C8orf34: variants seen among roughly 807,000 people sequenced by gnomAD.
C8orf34 encodes the protein chromosome 8 open reading frame 34.
In C8orf34, 65 loss-of-function variants were observed where a neutral mutation model predicts 68.3. The observed-to-expected ratio is 0.95, with a 90% CI of 0.78 to 1.17. The LOEUF (loss-of-function observed/expected upper bound fraction) is 1.17, where lower values mean the gene tolerates loss of function less well. Among genes scored for constraint, C8orf34 ranks in the 50% most tolerant of loss-of-function variants. C8orf34 has a pLI of 0.00. For synonymous variants in C8orf34, 244 were observed against 241.2 expected (o/e 1.01, Z -0.11); for missense variants, 664 against 655.4 (o/e 1.01, Z -0.14).
chr8:68,338,889 C>T (rs1421897381), intron 1 of C8orf34, among the ~76,000 whole-genome samples: 1 of 152,036 alleles, frequency 6.6e-6, no homozygotes, highest in Non-Finnish European at 1.5e-5. Context: ...GTCTTTTTAG[C>T]CAGAAACCCA....
At chr8:68,787,739 A>G (rs1779119362) in intron 12 of C8orf34, 1 of 346,302 alleles carries the variant, frequency 2.9e-6, no homozygotes, top group East Asian at 4.3e-5. Context: ...AGAGACTCAT[A>G]GACTAACTTT....
chr8:68,382,368 C>T (rs1321430320), intron 1 of C8orf34, among the ~76,000 whole-genome samples: 1 of 152,062 alleles, frequency 6.6e-6, no homozygotes, highest in African/African-American at 2.4e-5. Context: ...CCTCTGTTTC[C>T]TCATCTGTGA....
intron 1 of C8orf34, among the ~76,000 whole-genome samples, chr8:68,437,076 G>A (rs1293390915): frequency 6.6e-6 from 1 of 152,038 alleles, no homozygotes; most frequent in Non-Finnish European, 1.5e-5. Context: ...TGCAAACATC[G>A]ACTATGATCA....
At chr8:68,708,295 A>G (rs757749129) in intron 8 of C8orf34, among the ~76,000 whole-genome samples, 1 of 152,232 alleles carries the variant, frequency 6.6e-6, no homozygotes, top group Non-Finnish European at 1.5e-5. Context: ...TTGAATTTGT[A>G]GAAGTCAAAA....
chr8:68,389,660 A>C (rs1051151152), intron 1 of C8orf34, among the ~76,000 whole-genome samples: 1 of 152,176 alleles, frequency 6.6e-6, no homozygotes, highest in Non-Finnish European at 1.5e-5. Flanking sequence ...TTAGGAACTC[A>C]GAATTTATTA....
At chr8:68,798,043 GA>G (rs1260755751) in intron 12 of C8orf34, among the ~76,000 whole-genome samples, 4 of 151,802 alleles carry the variant, frequency 2.6e-5, no homozygotes, top group Non-Finnish European at 5.9e-5. Flanking sequence ...AGCTCTTAAA[GA>G]AAAAAAGACA....
chr8:68,336,155 T>C (rs982556823), intron 1 of C8orf34, among the ~76,000 whole-genome samples: 3 of 151,770 alleles, frequency 2.0e-5, no homozygotes, highest in African/African-American at 4.8e-5. Context: ...TCAATGGAAA[T>C]ATGAGACTAC....
chr8:68,440,667 A>AG (rs1459362586), intron 2 of C8orf34, among the ~76,000 whole-genome samples: 3 of 152,186 alleles, frequency 2.0e-5, no homozygotes, highest in Admixed American at 6.5e-5. Flanking sequence ...GTAGGTAGGC[A>AG]GGGGCTTTGG....
In C8orf34 at chr8:68,610,436, G is replaced by A. The variant is rs372226874; in HGVS notation, c.1106-29940G>A. Among the ~76,000 whole-genome samples the A allele has an allele frequency of 2.6e-4, 39 of 152,050 alleles. No individual in the cohort carries two copies. The South Asian group carries it at 6.6e-3, about 26-fold the overall frequency. ...CCTGGCTCTCTGATTCATTCCTAGG[G>A]GATAATCGAATGCATGTTAGTATAG... On this transcript the variant is annotated intron_variant, in intron 7 of 13. Coordinates refer to ENST00000518698, the MANE Select transcript of C8orf34 (RefSeq NM_052958.4).
intron 10 of C8orf34, among the ~76,000 whole-genome samples, chr8:68,732,401 A>AT (rs1822002664): frequency 6.6e-6 from 1 of 151,936 alleles, no homozygotes; most frequent in Admixed American, 6.6e-5. Context: ...CTAATAAATA[A>AT]TTTTTACATA....
At chr8:68,656,288 C>G (rs919644288) in intron 8 of C8orf34, among the ~76,000 whole-genome samples, 3 of 152,150 alleles carry the variant, frequency 2.0e-5, no homozygotes, top group Non-Finnish European at 4.4e-5. Flanking sequence ...ATGACCACCA[C>G]AATAAAAATA....
rs114345517 is a variant in C8orf34, at chr8:68,345,063, A to G, written c.327+13724A>G. ...AAATGGAAAACAAAAGGAGATACCA[A>G]AAGCAAGTCCAGACAGAGCAGGAAT... is the stretch of plus-strand genomic sequence containing the variant. On this transcript the variant is annotated intron_variant, in intron 1 of 13. Coordinates refer to ENST00000518698, the MANE Select transcript of C8orf34 (RefSeq NM_052958.4). 7.9e-3 allele frequency among the ~76,000 whole-genome samples: 1,197 copies of G among 152,192 alleles called. 19 individuals are homozygous for G. The highest frequency in any genetic ancestry group is 0.026 in the African/African-American group (1,101 of 41,566).
At chr8:68,808,336 C>T (rs1401666616) in intron 12 of C8orf34, among the ~76,000 whole-genome samples, 1 of 152,168 alleles carries the variant, frequency 6.6e-6, no homozygotes, top group East Asian at 1.9e-4. Flanking sequence ...CAGATTATTG[C>T]ATTTTGTTTT....
At chr8:68,561,402 C>A (rs1375685518) in intron 7 of C8orf34, among the ~76,000 whole-genome samples, 1 of 152,068 alleles carries the variant, frequency 6.6e-6, no homozygotes, top group Non-Finnish European at 1.5e-5. Flanking sequence ...ATTCTATAAG[C>A]TTTTTTTCTA....
At chr8:68,351,325 T>C (rs1045612952) in intron 1 of C8orf34, among the ~76,000 whole-genome samples, 2 of 152,012 alleles carry the variant, frequency 1.3e-5, no homozygotes, top group East Asian at 3.9e-4. Context: ...AGCTGAGAGA[T>C]CCAATTAGCT....
At chr8:68,744,137 A>G (rs372777634) in intron 10 of C8orf34, among the ~76,000 whole-genome samples, 1 of 152,262 alleles carries the variant, frequency 6.6e-6, no homozygotes, top group African/African-American at 2.4e-5. Flanking sequence ...GACACCTCAC[A>G]CGGCTGGGTA....
chr8:68,381,418 T>C (rs926552668), intron 1 of C8orf34, among the ~76,000 whole-genome samples: 1 of 152,184 alleles, frequency 6.6e-6, no homozygotes, highest in African/African-American at 2.4e-5. Flanking sequence ...ATCTAATGTT[T>C]ACAACACACA....
At chr8:68,783,377 G>T in intron 11 of C8orf34, among the ~76,000 whole-genome samples, 1 of 152,072 alleles carries the variant, frequency 6.6e-6, no homozygotes, top group East Asian at 1.9e-4. Context: ...AATTATCTGA[G>T]CATGGAGGCG....
At chr8:68,517,838 C>T (rs1814584275) in intron 5 of C8orf34, among the ~76,000 whole-genome samples, 1 of 152,172 alleles carries the variant, frequency 6.6e-6, no homozygotes, top group Admixed American at 6.6e-5. Context: ...AGACAAATCT[C>T]CAAGCCCAAT....
Sources: gnomAD v4.1 joint callset for allele counts (sites outside exome capture counted in the v4.1 genomes callset) on GRCh38, gnomAD v4.1.1 for gene constraint, MANE v1.5 for transcripts, NCBI Gene and HGNC (gene_info 2026-07-23, HGNC 2026-07-21) for gene names.